Variants in TRAPPC9 observed in about 807,000 individuals in gnomAD.
TRAPPC9 encodes trafficking protein particle complex subunit 9.
TRAPPC9 carries 83 observed loss-of-function variants against 124.0 expected under a neutral mutation model. That is an observed-to-expected ratio of 0.67 (90% CI 0.56 to 0.80). TRAPPC9 has a LOEUF of 0.80. Ranked by LOEUF, TRAPPC9 falls within the 30% of genes least tolerant of loss-of-function variation. The pLI is 0.00. For synonymous variants in TRAPPC9, 638 were observed against 617.5 expected (o/e 1.03, Z -0.49); for missense variants, 1,302 against 1,508.3 (o/e 0.86, Z 2.27).
chr8:139,917,167 C>CTTTTTTTGTTTTTT (rs1832195849), intron 19 of TRAPPC9, among the ~76,000 whole-genome samples: 1 of 99,926 alleles, frequency 1.0e-5, no homozygotes, highest in African/African-American at 4.3e-5. Context: ...TTATTATTTT[C>CTTTTTTTGTTTTTT]TTTTTTTTTT....
In TRAPPC9 at chr8:140,170,966, T is replaced by C. The variant is rs545161417; in HGVS notation, c.2556+50493A>G. On this transcript the variant is annotated intron_variant, in intron 17 of 22. Coordinates refer to ENST00000438773, the MANE Select transcript of TRAPPC9 (RefSeq NM_001160372.4). ...AGACAGAGAAGTGCACACTATTTTC[T>C]CATCATCCCACCTGGAAAACACCAG... 6.6e-5 allele frequency among the ~76,000 whole-genome samples: 10 copies of C among 152,290 alleles called. No homozygotes were observed. In the East Asian group the frequency reaches 1.7e-3, roughly 26 times the overall value.
At chr8:140,303,434 C>T (rs1453786488) in intron 10 of TRAPPC9, among the ~76,000 whole-genome samples, 1 of 152,240 alleles carries the variant, frequency 6.6e-6, no homozygotes, top group Admixed American at 6.5e-5. Flanking sequence ...TGATAGACTA[C>T]TGTTGGCTAC....
intron 19 of TRAPPC9, among the ~76,000 whole-genome samples, chr8:139,926,650 C>T (rs1270812867): frequency 1.3e-5 from 2 of 149,410 alleles, no homozygotes; most frequent in Non-Finnish European, 1.5e-5. Context: ...ACCTGGGAGG[C>T]GGAGGTTGCA....
chr8:140,072,621 AGG>A, intron 17 of TRAPPC9, among the ~76,000 whole-genome samples: 1 of 142,250 alleles, frequency 7.0e-6, no homozygotes, highest in Non-Finnish European at 1.5e-5. Flanking sequence ...GAGGAGGAGG[AGG>A]AGCGGTGGTG....
chr8:140,309,997 G>A (rs539619283), intron 10 of TRAPPC9, among the ~76,000 whole-genome samples: 71 of 152,284 alleles, frequency 4.7e-4, no homozygotes, highest in African/African-American at 1.5e-3. Context: ...GCCAGGGGCT[G>A]CAATGCACAG....
intron 21 of TRAPPC9, among the ~76,000 whole-genome samples, chr8:139,869,070 C>G (rs2131022431): frequency 6.6e-6 from 1 of 152,236 alleles, no homozygotes; most frequent in Non-Finnish European, 1.5e-5. Context: ...AAAAAGCCAA[C>G]AGAATGTATG....
intron 3 of TRAPPC9, among the ~76,000 whole-genome samples, chr8:140,436,772 T>C (rs1164826682): frequency 6.6e-6 from 1 of 152,224 alleles, no homozygotes; most frequent in African/African-American, 2.4e-5. Context: ...GATTCTCTAA[T>C]TGATACAATA....
At position 140,220,941 on chromosome 8, in the gene TRAPPC9, G is replaced by C. The variant is rs146901969; in HGVS notation, c.2556+518C>G. ...CCATGTGCTGAAGACTCAAAACCCC[G>C]GAGCACTTGTGTAGGCCTCTCCACG... On this transcript the variant is annotated intron_variant, in intron 17 of 22. Coordinates refer to ENST00000438773, the MANE Select transcript of TRAPPC9 (RefSeq NM_001160372.4). 2.7e-3 allele frequency among the ~76,000 whole-genome samples: 415 copies of C among 152,226 alleles called. 3 individuals are homozygous for C. Among genetic ancestry groups the C allele is most frequent in the African/African-American group, 9.3e-3 (388 of 41,538 alleles).
At chr8:140,247,960 C>T (rs901118158) in intron 16 of TRAPPC9, among the ~76,000 whole-genome samples, 4 of 152,126 alleles carry the variant, frequency 2.6e-5, no homozygotes, top group Admixed American at 6.6e-5. Context: ...TCTTTTAGCT[C>T]ATTATGGGTT....
chr8:139,974,215 C>T (rs1045544779), intron 19 of TRAPPC9, among the ~76,000 whole-genome samples: 3 of 152,158 alleles, frequency 2.0e-5, no homozygotes, highest in Non-Finnish European at 4.4e-5. Context: ...GCTCATGTAT[C>T]GGTACGCAAG....
At chr8:139,802,848 G>A (rs1042306694) in intron 21 of TRAPPC9, among the ~76,000 whole-genome samples, 14 of 152,128 alleles carry the variant, frequency 9.2e-5, no homozygotes, top group Admixed American at 9.2e-4. Flanking sequence ...GTGTGCATCC[G>A]TATCTGAAGG....
At chr8:140,338,630 G>A (rs367963337) in intron 9 of TRAPPC9, among the ~76,000 whole-genome samples, 64 of 152,338 alleles carry the variant, frequency 4.2e-4, no homozygotes, top group African/African-American at 1.5e-3. Flanking sequence ...TATGACTGGC[G>A]TCCTTATAAC....
intron 21 of TRAPPC9, among the ~76,000 whole-genome samples, chr8:139,778,476 A>T (rs1017855229): frequency 1.3e-5 from 2 of 152,232 alleles, no homozygotes; most frequent in Non-Finnish European, 2.9e-5. Flanking sequence ...ACAACCAATC[A>T]AAACAGGCCC....
At chr8:140,356,561 T>C (rs533855550) in intron 9 of TRAPPC9, among the ~76,000 whole-genome samples, 1 of 149,342 alleles carries the variant, frequency 6.7e-6, no homozygotes, top group South Asian at 2.1e-4. Context: ...CGATGCAGCA[T>C]ACGTATACAC....
intron 21 of TRAPPC9, among the ~76,000 whole-genome samples, chr8:139,860,319 G>GTTACACA (rs57521427): frequency 7.1e-6 from 1 of 140,300 alleles, no homozygotes; most frequent in African/African-American, 3.0e-5. Flanking sequence ...GTCCAAAAGG[G>GTTACACA]GCTGTTACAC....
At chr8:139,909,903 C>T (rs145051926) in intron 20 of TRAPPC9, among the ~76,000 whole-genome samples, 69 of 152,300 alleles carry the variant, frequency 4.5e-4, no homozygotes, top group Non-Finnish European at 8.8e-4. Flanking sequence ...GATCCAAAGA[C>T]GAGAGCACCA....
At chr8:140,412,827 T>C (rs2069754820) in intron 5 of TRAPPC9, among the ~76,000 whole-genome samples, 1 of 152,110 alleles carries the variant, frequency 6.6e-6, no homozygotes, top group Non-Finnish European at 1.5e-5. Flanking sequence ...ACAGGATGTA[T>C]TTCGTAAAGA....
chr8:140,312,654 A>G (rs539073725), intron 9 of TRAPPC9, among the ~76,000 whole-genome samples: 1 of 152,248 alleles, frequency 6.6e-6, no homozygotes, highest in Non-Finnish European at 1.5e-5. Flanking sequence ...ACCATAAATA[A>G]TAAATATCAA....
chr8:140,278,719 C>T (rs2065205465), intron 14 of TRAPPC9, among the ~76,000 whole-genome samples: 1 of 152,230 alleles, frequency 6.6e-6, no homozygotes, highest in Admixed American at 6.5e-5. Flanking sequence ...GACCTCTGCC[C>T]TCATCACTGT....
Sources: gnomAD v4.1 joint callset for allele counts (sites outside exome capture counted in the v4.1 genomes callset) on GRCh38, gnomAD v4.1.1 for gene constraint, MANE v1.5 for transcripts, NCBI Gene and HGNC (gene_info 2026-07-23, HGNC 2026-07-21) for gene names.